The following SOX5 variants were observed in gnomAD, a reference collection of about 807,000 sequenced individuals.
SOX5 encodes SRY-box transcription factor 5.
A neutral mutation model predicts 92.0 loss-of-function variants in SOX5; 9 were observed. That is an observed-to-expected ratio of 0.10 (90% confidence interval 0.06 to 0.17). The LOEUF is 0.17. SOX5 is among the 10% of genes least tolerant of loss of function. The pLI is 1.00. For missense variants in SOX5, 642 were observed against 944.5 expected (o/e 0.68, Z 4.20); for synonymous variants, 344 against 336.3 (o/e 1.02, Z -0.25).
At chr12:23,807,265 C>A (rs570747189) in intron 3 of SOX5, among the ~76,000 whole-genome samples, 1 of 152,066 alleles carries the variant, frequency 6.6e-6, no homozygotes, top group South Asian at 2.1e-4. Flanking sequence ...GAAGGATATG[C>A]GAAAATTCTA....
At chr12:23,645,182 G>C (rs1255939483) in intron 7 of SOX5, among the ~76,000 whole-genome samples, 2 of 152,104 alleles carry the variant, frequency 1.3e-5, no homozygotes, top group Non-Finnish European at 2.9e-5. Flanking sequence ...AACTAATCCA[G>C]GCTTCAATCT....
At chr12:23,613,984 C>T (rs887136192) in intron 8 of SOX5, among the ~76,000 whole-genome samples, 11 of 152,220 alleles carry the variant, frequency 7.2e-5, no homozygotes, top group African/African-American at 2.6e-4. Context: ...AACCTGGTGG[C>T]CCAAGGACAG....
rs138131324 is a variant in SOX5, at chr12:23,909,358, T to C, written c.39-13334A>G. On this transcript the variant is annotated intron_variant, in intron 1 of 14. Coordinates refer to ENST00000451604, the MANE Select transcript of SOX5 (RefSeq NM_006940.6). Reference sequence around the variant, plus strand: ...AATATGAATATCTAGTTTTAGATGGTAATATAACTGAGTTCATTCTCATCA... The same window carrying C: ...AATATGAATATCTAGTTTTAGATGGCAATATAACTGAGTTCATTCTCATCA... Among the ~76,000 whole-genome samples the C allele has an allele frequency of 3.5e-4, 54 of 152,290 alleles. No homozygotes were observed. The East Asian group carries it at 0.01, about 29-fold the overall frequency.
chr12:24,305,406 A>G (rs553592356), intron 2 of SOX5, among the ~76,000 whole-genome samples: 1 of 152,278 alleles, frequency 6.6e-6, no homozygotes, highest in East Asian at 1.9e-4. Context: ...GGGTTCATGA[A>G]TCATTCCTGA....
intron 4 of SOX5, among the ~76,000 whole-genome samples, chr12:24,065,645 C>CAAAAAAAAAAAAA (rs71445983): frequency 1.3e-4 from 11 of 81,618 alleles, no homozygotes; most frequent in East Asian, 7.3e-4. Flanking sequence ...GACTCCATCT[C>CAAAAAAAAAAAAA]AAAAAAAAAA....
In SOX5 at chr12:24,444,296, G is replaced by A. The variant is rs1411215100; in HGVS notation, c.-250-75657C>T. On this transcript the variant is annotated intron_variant, in intron 1 of 4. Coordinates refer to the SOX5 transcript ENST00000446891. ...TGTGTGTGTGTGTGTGTGTGTGTGT[G>A]TGTGTGTGCACCCATGCACGTGTGT... 5.9e-5 allele frequency among the ~76,000 whole-genome samples: 9 copies of A among 151,998 alleles called. No homozygotes were observed. The East Asian group carries it at 1.7e-3, about 29-fold the overall frequency.
chr12:24,142,241 C>T (rs1022010449), intron 4 of SOX5, among the ~76,000 whole-genome samples: 6 of 152,092 alleles, frequency 3.9e-5, no homozygotes, highest in Middle Eastern at 3.2e-3. Context: ...GCAGCACTCC[C>T]GCTTCTCCTC....
At chr12:23,968,118 T>C (rs752876249) in intron 4 of SOX5, among the ~76,000 whole-genome samples, 18 of 152,206 alleles carry the variant, frequency 1.2e-4, no homozygotes, top group Non-Finnish European at 2.5e-4. Flanking sequence ...GAATGCGGAC[T>C]CTACTAGTGT....
intron 4 of SOX5, among the ~76,000 whole-genome samples, chr12:24,129,449 C>G (rs550167422): frequency 1.3e-5 from 2 of 152,260 alleles, no homozygotes; most frequent in East Asian, 3.9e-4. Flanking sequence ...CTCTCCCATA[C>G]TTTTGGGAGT....
intron 4 of SOX5, among the ~76,000 whole-genome samples, chr12:23,976,406 C>CA (rs869250917): frequency 0.065 from 2,457 of 38,024 alleles, 48 homozygotes; most frequent in African/African-American, 0.1. Context: ...AACAAAAAAA[C>CA]AAAAAAAAAA....
chr12:24,246,567 T>C (rs770949075), intron 3 of SOX5, among the ~76,000 whole-genome samples: 8 of 152,094 alleles, frequency 5.3e-5, no homozygotes, highest in Non-Finnish European at 1.0e-4. Flanking sequence ...CACTGGCACA[T>C]TGGCAGCAAA....
intron 3 of SOX5, among the ~76,000 whole-genome samples, chr12:23,839,683 C>T (rs1288897014): frequency 6.6e-6 from 1 of 151,994 alleles, no homozygotes; most frequent in African/African-American, 2.4e-5. Flanking sequence ...CCTGGTTTGG[C>T]ATTTTAAAAC....
intron 3 of SOX5, among the ~76,000 whole-genome samples, chr12:24,225,089 A>AGGG (rs1443200064): frequency 6.6e-6 from 1 of 152,228 alleles, no homozygotes; most frequent in African/African-American, 2.4e-5. Flanking sequence ...GTATCCATAC[A>AGGG]TTTTGGTTAT....
intron 4 of SOX5, among the ~76,000 whole-genome samples, chr12:24,046,570 G>C (rs542145812): frequency 2.0e-4 from 30 of 151,832 alleles, no homozygotes; most frequent in African/African-American, 6.5e-4. Context: ...AATTATAAGA[G>C]TGCATAAATC....
intron 4 of SOX5, among the ~76,000 whole-genome samples, chr12:24,149,878 CTAAA>C (rs922871617): frequency 1.3e-5 from 2 of 151,780 alleles, no homozygotes; most frequent in African/African-American, 4.8e-5. Flanking sequence ...ATGGATAAAC[CTAAA>C]TAATTATGGT....
rs1046673970 is a variant in SOX5, at chr12:24,482,134, C to T, written c.-251+80195G>A. Among the ~76,000 whole-genome samples the T allele has an allele frequency of 8.5e-5, 13 of 152,276 alleles. No individual in the cohort carries two copies. The East Asian group carries it at 2.5e-3, about 29-fold the overall frequency. On this transcript the variant is annotated intron_variant, in intron 1 of 4. Transcript: ENST00000446891. The stretch of plus-strand genomic sequence containing the variant: ...ATGCAACACCTATCAACAGCAACAA[C>T]TCTTAAGGCAACAGGAGAAGTAGCT...
intron 4 of SOX5, among the ~76,000 whole-genome samples, chr12:23,995,147 G>C (rs755055855): frequency 1.3e-5 from 2 of 152,138 alleles, no homozygotes; most frequent in Non-Finnish European, 2.9e-5. Flanking sequence ...ATTTGTGAGA[G>C]TCTTTTCTTG....
At chr12:23,881,598 G>A (rs1341561922) in intron 2 of SOX5, among the ~76,000 whole-genome samples, 5 of 152,150 alleles carry the variant, frequency 3.3e-5, no homozygotes, top group Admixed American at 1.3e-4. Flanking sequence ...CGATTAAACT[G>A]ATGTCTCATG....
intron 1 of SOX5, among the ~76,000 whole-genome samples, chr12:24,495,430 AAAGTATTAG>A (rs1317699892): frequency 6.6e-6 from 1 of 152,268 alleles, no homozygotes; most frequent in African/African-American, 2.4e-5. Flanking sequence ...AAAGGTATGT[AAAGTATTAG>A]AAGACTTATT....
Sources: gnomAD v4.1 joint callset for allele counts (sites outside exome capture counted in the v4.1 genomes callset) on GRCh38, gnomAD v4.1.1 for gene constraint, MANE v1.5 for transcripts, NCBI Gene and HGNC (gene_info 2026-07-23, HGNC 2026-07-21) for gene names.